Variants in SCN11A observed in about 807,000 individuals in gnomAD.
SCN11A encodes sodium channel protein type 11 subunit alpha.
SCN11A carries 122 observed loss-of-function variants against 162.2 expected under a neutral mutation model. That is an observed-to-expected ratio of 0.75 (90% CI 0.65 to 0.87). The LOEUF (loss-of-function observed/expected upper bound fraction) is 0.87. Among genes scored for constraint, SCN11A ranks in the 40% least tolerant of loss-of-function variants. SCN11A has a pLI of 0.00. For synonymous variants in SCN11A, 758 were observed against 751.5 expected (o/e 1.01, Z -0.14); for missense variants, 2,015 against 2,181.6 (o/e 0.92, Z 1.52).
chr3:38,876,416 C>T (rs556525953), intron 23 of SCN11A, among the ~76,000 whole-genome samples: 1 of 152,212 alleles, frequency 6.6e-6, no homozygotes, highest in African/African-American at 2.4e-5. Flanking sequence ...GCACAGTAAA[C>T]AGACATCCAC....
At chr3:38,959,209 C>T (rs1297625645) in intron 3 of SCN11A, among the ~76,000 whole-genome samples, 4 of 152,058 alleles carry the variant, frequency 2.6e-5, no homozygotes, top group Non-Finnish European at 5.9e-5. Flanking sequence ...TTCAGAATTT[C>T]CCCCAGAAAT....
chr3:38,991,000 G>A (rs887483494), intron 2 of SCN11A, among the ~76,000 whole-genome samples: 4 of 152,164 alleles, frequency 2.6e-5, no homozygotes, highest in Non-Finnish European at 4.4e-5. Context: ...TCTTTCTTCC[G>A]TCTCCTGGGG....
intron 16 of SCN11A, among the ~76,000 whole-genome samples, chr3:38,903,601 T>C (rs2065738924): frequency 6.6e-6 from 1 of 152,184 alleles, no homozygotes; most frequent in African/African-American, 2.4e-5. Flanking sequence ...AGCTGAACTT[T>C]TAGGATGTCT....
chr3:38,876,750 G>T (rs1575233313), intron 23 of SCN11A, among the ~76,000 whole-genome samples: 3 of 152,180 alleles, frequency 2.0e-5, no homozygotes, highest in East Asian at 1.9e-4. Context: ...TACACTGCTG[G>T]TGGGAATGTA....
intron 27 of SCN11A, 128 bp downstream of exon 27, chr3:38,867,193 C>T: frequency 1.2e-6 from 1 of 816,622 alleles, no homozygotes; most frequent in African/African-American, 1.8e-5. Flanking sequence ...ACATGGGAGG[C>T]TCCCTCCTTG....
Position 38,872,078 on chromosome 3 carries a change from G to T in SCN11A, c.3495+115C>A, listed in dbSNP as rs4077939. On this transcript the variant is annotated intron_variant, in intron 24 of 29. Transcript: ENST00000302328. ...AAATTCTAAGCACTGGGCAGGCTGG[G>T]AAGTAACCCAGGAAAAGCTTGGCAA... The T allele has an allele frequency of 0.24, 178,306 of 735,528 alleles. 22,309 individuals carry two copies. The highest frequency in any genetic ancestry group is 0.29 in the African/African-American group (16,774 of 57,150). The allele number at this position is 735,528 out of a possible 1,614,324, so 45.6% of individuals were successfully genotyped here. A position where few individuals can be genotyped will look rare whatever the true frequency, so the allele number is the denominator to read the frequency against.
intron 26 of SCN11A, among the ~76,000 whole-genome samples, chr3:38,867,660 C>A (rs1203256914): frequency 6.6e-6 from 1 of 152,004 alleles, no homozygotes; most frequent in African/African-American, 2.4e-5. Context: ...TGGCGGGGAC[C>A]TGGGGTGATG....
At chr3:38,868,713 A>G (rs2126093763) in intron 26 of SCN11A, among the ~76,000 whole-genome samples, 1 of 152,296 alleles carries the variant, frequency 6.6e-6, no homozygotes, top group African/African-American at 2.4e-5. Context: ...GGGGGGTTGG[A>G]ATGCAGTAAA....
intron 14 of SCN11A, among the ~76,000 whole-genome samples, chr3:38,906,018 A>T (rs2065786767): frequency 6.6e-6 from 1 of 152,148 alleles, no homozygotes; most frequent in African/African-American, 2.4e-5. Flanking sequence ...CCCCAGAGGG[A>T]ACTATCTTTT....
At position 39,043,546 on chromosome 3, in the gene SCN11A, A is replaced by G. The variant is rs114669510; in HGVS notation, c.-404+8315T>C. 8.7e-3 allele frequency among the ~76,000 whole-genome samples: 1,319 copies of G among 151,676 alleles called. 27 individuals carry two copies. The highest frequency in any genetic ancestry group is 0.031 in the African/African-American group (1,272 of 41,344). ...AACAACATAGGTGGAACTGGAGGTCATTATATTAAGCGAAATAAGCCAGGC... is the reference window on the plus strand; with the variant it reads ...AACAACATAGGTGGAACTGGAGGTCGTTATATTAAGCGAAATAAGCCAGGC... On this transcript the variant is annotated intron_variant, in intron 1 of 29. Coordinates refer to ENST00000302328, the MANE Select transcript of SCN11A (RefSeq NM_001349253.2).
At chr3:38,903,325 G>A (rs1407862063) in intron 16 of SCN11A, among the ~76,000 whole-genome samples, 2 of 152,056 alleles carry the variant, frequency 1.3e-5, no homozygotes, top group Non-Finnish European at 2.9e-5. Flanking sequence ...ACTGAGACTA[G>A]ATCTATCCAA....
At chr3:38,978,087 C>G (rs1190738279) in intron 2 of SCN11A, among the ~76,000 whole-genome samples, 3 of 152,168 alleles carry the variant, frequency 2.0e-5, no homozygotes, top group African/African-American at 7.2e-5. Context: ...ATTACTATCC[C>G]CATTTTACAG....
chr3:38,914,335 T>C (rs1208633058), intron 11 of SCN11A, among the ~76,000 whole-genome samples: 1 of 152,174 alleles, frequency 6.6e-6, no homozygotes, highest in Non-Finnish European at 1.5e-5. Flanking sequence ...CGTACATTGA[T>C]TTTGTGTCTT....
chr3:38,989,577 T>G (rs1255692935), intron 2 of SCN11A, among the ~76,000 whole-genome samples: 3 of 152,208 alleles, frequency 2.0e-5, no homozygotes, highest in Non-Finnish European at 1.5e-5. Flanking sequence ...AAGAATGTGC[T>G]TAGAAAGAGC....
intron 3 of SCN11A, among the ~76,000 whole-genome samples, chr3:38,959,559 T>A (rs1384661904): frequency 6.6e-6 from 1 of 152,150 alleles, no homozygotes; most frequent in East Asian, 1.9e-4. Flanking sequence ...CTCATTCACA[T>A]GTCAGTCCTA....
At chr3:38,847,856 CT>C in intron 29 of SCN11A, 114 bp from the exon 30 acceptor site, 1 of 613,244 alleles carries the variant, frequency 1.6e-6, no homozygotes, top group Non-Finnish European at 2.8e-6. Context: ...TACTTTGTAG[CT>C]TATGTACAAA....
intron 19 of SCN11A, among the ~76,000 whole-genome samples, chr3:38,893,309 A>G (rs2065531517): frequency 2.0e-5 from 3 of 152,234 alleles, no homozygotes; most frequent in African/African-American, 7.2e-5. Context: ...AATATTGGGA[A>G]GATATAGCAT....
chr3:38,995,186 A>G (rs1159839087), intron 2 of SCN11A, among the ~76,000 whole-genome samples: 1 of 150,468 alleles, frequency 6.6e-6, no homozygotes, highest in Non-Finnish European at 1.5e-5. Flanking sequence ...GCTGGAGTGC[A>G]GTGGCGCGAT....
At chr3:39,045,921 A>C (rs1193751989) in intron 1 of SCN11A, among the ~76,000 whole-genome samples, 1 of 151,714 alleles carries the variant, frequency 6.6e-6, no homozygotes, top group Non-Finnish European at 1.5e-5. Context: ...AATTCTCAGA[A>C]CTGATAAAGA....
Sources: gnomAD v4.1 joint callset for allele counts (sites outside exome capture counted in the v4.1 genomes callset) on GRCh38, gnomAD v4.1.1 for gene constraint, MANE v1.5 for transcripts, NCBI Gene and HGNC (gene_info 2026-07-23, HGNC 2026-07-21) for gene names.